The following DCDC2C variants were observed in gnomAD, a reference collection of about 807,000 sequenced individuals.
DCDC2C encodes the protein doublecortin domain-containing protein 2C.
A neutral mutation model predicts 45.0 loss-of-function variants in DCDC2C; 44 were observed. The ratio of observed to expected loss-of-function variants is 0.98; its 90% CI spans 0.77 to 1.26. The LOEUF (loss-of-function observed/expected upper bound fraction) is 1.26. Among genes scored for constraint, DCDC2C ranks in the 50% most tolerant of loss-of-function variants. The probability of loss-of-function intolerance (pLI) is 0.00; values close to 1 mark genes in which losing one functional copy is unlikely to be tolerated. For synonymous variants in DCDC2C, 187 were observed against 178.8 expected (o/e 1.05, Z -0.37); for missense variants, 447 against 468.9 (o/e 0.95, Z 0.43).
chr2:3,801,636 C>G (rs558341911), intron 10 of DCDC2C, among the ~76,000 whole-genome samples: 1 of 152,254 alleles, frequency 6.6e-6, no homozygotes, highest in East Asian at 1.9e-4. Context: ...GCATCAGAGT[C>G]TTGGCCTGGG....
At chr2:3,782,014 C>T (rs932545685) in intron 9 of DCDC2C, among the ~76,000 whole-genome samples, 4 of 152,168 alleles carry the variant, frequency 2.6e-5, no homozygotes, top group African/African-American at 4.8e-5. Context: ...TGCAGTTCAG[C>T]GGCATTAATC....
At chr2:3,802,612 G>C (rs1382972688) in intron 10 of DCDC2C, among the ~76,000 whole-genome samples, 1 of 152,146 alleles carries the variant, frequency 6.6e-6, no homozygotes, top group East Asian at 1.9e-4. Flanking sequence ...GTTAATAGAT[G>C]ATGGCTTCTT....
chr2:3,735,204 G>C (rs1351948797), intron 3 of DCDC2C, among the ~76,000 whole-genome samples: 6 of 152,088 alleles, frequency 3.9e-5, no homozygotes, highest in Non-Finnish European at 5.9e-5. Flanking sequence ...TCAGCGTGCA[G>C]AAGGGAGCTG....
At chr2:3,704,230 C>T (rs554279712) in intron 1 of DCDC2C, 192 bp downstream of exon 1, 1 of 459,702 alleles carries the variant, frequency 2.2e-6, no homozygotes, top group East Asian at 3.6e-5. Context: ...GGGGCGAAGC[C>T]GAGGCAGCCC....
chr2:3,823,680 G>T, intron 10 of DCDC2C, among the ~76,000 whole-genome samples: 1 of 152,070 alleles, frequency 6.6e-6, no homozygotes, highest in African/African-American at 2.4e-5. Flanking sequence ...ATTCTGTGTT[G>T]ATAGTTTTTT....
chr2:3,830,250 A>G (rs1043943356), intron 10 of DCDC2C, among the ~76,000 whole-genome samples: 4 of 151,938 alleles, frequency 2.6e-5, no homozygotes, highest in Non-Finnish European at 5.9e-5. Context: ...GTGACAACCT[A>G]GCCACTTGGT....
At chr2:3,844,894 A>G (rs1376973261) in intron 10 of DCDC2C, among the ~76,000 whole-genome samples, 1 of 152,198 alleles carries the variant, frequency 6.6e-6, no homozygotes, top group Non-Finnish European at 1.5e-5. Flanking sequence ...CGAACGGCAC[A>G]TGTTTACATA....
intron 10 of DCDC2C, among the ~76,000 whole-genome samples, chr2:3,794,018 G>A (rs941065596): frequency 2.0e-5 from 3 of 152,210 alleles, no homozygotes; most frequent in African/African-American, 7.2e-5. Flanking sequence ...ACAAGTGATA[G>A]TTTCTTAAAG....
chr2:3,800,241 C>CT (rs1445283828), intron 10 of DCDC2C, among the ~76,000 whole-genome samples: 1 of 152,140 alleles, frequency 6.6e-6, no homozygotes, highest in East Asian at 1.9e-4. Context: ...ACACGGTGCG[C>CT]GCACCCACTG....
rs780035938 is a variant in DCDC2C, at chr2:3,828,260, G to T, written c.1066-18894G>T. Among the ~76,000 whole-genome samples, 193 of 152,148 alleles carry T rather than the reference G, an allele frequency of 1.3e-3. 2 individuals carry two copies. The highest frequency in any genetic ancestry group is 3.4e-4 in the Non-Finnish European group (23 of 68,030). On this transcript the variant is annotated intron_variant, in intron 10 of 10. Transcript: ENST00000399143. Reference sequence around the variant, plus strand: ...TACCTGTCTTGTGCTTGGTGACAAAGGTGACAATAGAAACAGCAGAAATTG... The same window carrying T: ...TACCTGTCTTGTGCTTGGTGACAAATGTGACAATAGAAACAGCAGAAATTG...
intron 2 of DCDC2C, among the ~76,000 whole-genome samples, chr2:3,718,640 T>G (rs979717593): frequency 3.3e-5 from 5 of 152,152 alleles, no homozygotes; most frequent in Non-Finnish European, 7.3e-5. Flanking sequence ...TCTGTTTTCA[T>G]CGCCATGCAG....
chr2:3,777,721 G>T (rs1670384100), intron 8 of DCDC2C, among the ~76,000 whole-genome samples: 1 of 152,142 alleles, frequency 6.6e-6, no homozygotes, highest in African/African-American at 2.4e-5. Flanking sequence ...GGGCTGATGG[G>T]GTCTGCCATA....
intron 8 of DCDC2C, 57 bp from the exon 9 acceptor site, chr2:3,778,759 T>G: frequency 1.3e-6 from 2 of 1,518,872 alleles, no homozygotes; most frequent in South Asian, 1.2e-5. Context: ...GCTCTCTGAT[T>G]TTTTAAAAGG....
chr2:3,752,731 C>T, intron 4 of DCDC2C, 32 bp from the exon 5 acceptor site: 1 of 1,549,704 alleles, frequency 6.5e-7, no homozygotes, highest in Non-Finnish European at 8.7e-7. Flanking sequence ...GTCCTCAAGT[C>T]TCTATCTCAT....
intron 10 of DCDC2C, among the ~76,000 whole-genome samples, chr2:3,792,478 G>A (rs748731340): frequency 1.2e-4 from 19 of 152,088 alleles, no homozygotes; most frequent in Non-Finnish European, 2.6e-4. Context: ...TTTTCCCCAT[G>A]AGTTACAGAG....
At chr2:3,790,628 A>G (rs554286672) in intron 10 of DCDC2C, among the ~76,000 whole-genome samples, 1 of 152,272 alleles carries the variant, frequency 6.6e-6, no homozygotes, top group Non-Finnish European at 1.5e-5. Flanking sequence ...CCTGCCCAGT[A>G]TCTTTACTGT....
chr2:3,713,735 A>G (rs941119146), intron 2 of DCDC2C, among the ~76,000 whole-genome samples: 1 of 152,240 alleles, frequency 6.6e-6, no homozygotes, highest in South Asian at 2.1e-4. Flanking sequence ...TCATCCCAGG[A>G]TTAGATCTGT....
At chr2:3,747,332 A>T (rs562030709) in intron 4 of DCDC2C, among the ~76,000 whole-genome samples, 21 of 152,312 alleles carry the variant, frequency 1.4e-4, no homozygotes, top group Admixed American at 1.2e-3. Flanking sequence ...AGCATCCGTG[A>T]TGTAGGCGAC....
intron 6 of DCDC2C, among the ~76,000 whole-genome samples, chr2:3,759,133 A>G (rs929117801): frequency 2.0e-5 from 3 of 152,282 alleles, no homozygotes; most frequent in African/African-American, 7.2e-5. Context: ...GGCAATTCAG[A>G]GATGAGGGCG....
Sources: gnomAD v4.1 joint callset for allele counts (sites outside exome capture counted in the v4.1 genomes callset) on GRCh38, gnomAD v4.1.1 for gene constraint, MANE v1.5 for transcripts, NCBI Gene and HGNC (gene_info 2026-07-23, HGNC 2026-07-21) for gene names.